Variants in BBS4 observed in about 807,000 individuals in gnomAD.
BBS4 encodes the protein BBSome complex member BBS4.
BBS4 carries 58 observed loss-of-function variants against 71.4 expected under a neutral mutation model. The observed-to-expected ratio is 0.81, with a 90% CI of 0.66 to 1.01. The LOEUF (loss-of-function observed/expected upper bound fraction) is 1.01, where lower values mean the gene tolerates loss of function less well. BBS4 is among the 50% of genes least tolerant of loss of function. The pLI, the probability that BBS4 is intolerant of heterozygous loss-of-function variation, is 0.00. For missense variants in BBS4, 660 were observed against 607.9 expected (o/e 1.09, Z -0.90); for synonymous variants, 228 against 216.8 (o/e 1.05, Z -0.46).
intron 3 of BBS4, among the ~76,000 whole-genome samples, chr15:72,710,220 T>TG (rs2065341800): frequency 8.2e-6 from 1 of 121,236 alleles, no homozygotes; most frequent in African/African-American, 3.2e-5. Flanking sequence ...TTTTTTTTTT[T>TG]GAGATGGAGT....
chr15:72,686,400 T>C, intron 1 of BBS4, 149 bp downstream of exon 1: 1 of 1,534,898 alleles, frequency 6.5e-7, no homozygotes, highest in East Asian at 2.5e-5. Flanking sequence ...CCCTTTTTAC[T>C]GTCCCGGGAA....
chr15:72,719,181 C>T (rs2065519980), intron 6 of BBS4, among the ~76,000 whole-genome samples: 1 of 151,800 alleles, frequency 6.6e-6, no homozygotes, highest in South Asian at 2.1e-4. Context: ...CACAAATGGT[C>T]ACCATACAGG....
At chr15:72,687,034 ATTG>A (rs1338936363) in intron 1 of BBS4, among the ~76,000 whole-genome samples, 2 of 146,136 alleles carry the variant, frequency 1.4e-5, no homozygotes, top group African/African-American at 2.5e-5. Flanking sequence ...GGTTAGTGTT[ATTG>A]TTAGAGGGCC....
chr15:72,692,555 G>A (rs2065005500), intron 1 of BBS4, among the ~76,000 whole-genome samples: 1 of 151,282 alleles, frequency 6.6e-6, no homozygotes, highest in Admixed American at 6.6e-5. Flanking sequence ...TCAAGCAATC[G>A]GCCTGCCTCA....
chr15:72,698,274 A>G (rs1451514042), intron 2 of BBS4, among the ~76,000 whole-genome samples: 1 of 152,166 alleles, frequency 6.6e-6, no homozygotes, highest in Non-Finnish European at 1.5e-5. Flanking sequence ...TTAAGTGTGT[A>G]AGTCAGTGGC....
At position 72,703,980 on chromosome 15, in the gene BBS4, G is replaced by T. The variant is rs528729914; in HGVS notation, c.77-5720G>T. 2.0e-5 allele frequency among the ~76,000 whole-genome samples: 3 copies of T among 152,236 alleles called. No individual in the cohort carries two copies. The South Asian group carries it at 6.2e-4, about 32-fold the overall frequency. On this transcript the variant is annotated intron_variant, in intron 2 of 15. Coordinates refer to ENST00000268057, the MANE Select transcript of BBS4 (RefSeq NM_033028.5). ...GCAAACTACAGGGGAGAATTCTTGA[G>T]GTGTCATGTTTATTCACTTCTGGAA...
chr15:72,724,751 A>G lies in BBS4; in HGVS notation c.587+96A>G, dbSNP rs2065637039. ...CTAAAAGAGTGAATATGTTTGATTAATTACTTACTGTATGAGTTAAAGGTT... is the reference window on the plus strand; with the variant it reads ...CTAAAAGAGTGAATATGTTTGATTAGTTACTTACTGTATGAGTTAAAGGTT... On this transcript the variant is annotated intron_variant, in intron 8 of 15. Coordinates refer to ENST00000268057, the MANE Select transcript of BBS4 (RefSeq NM_033028.5). 4.7e-6 allele frequency: 7 copies of G among 1,489,056 alleles called. No homozygotes were observed. The African/African-American group carries it at 7.0e-5, about 15-fold the overall frequency. The allele number at this position is 1,489,056 out of a possible 1,614,324, so 92.2% of individuals were successfully genotyped here.
chr15:72,710,206 T>C (rs1421012196), intron 3 of BBS4, among the ~76,000 whole-genome samples: 8 of 141,648 alleles, frequency 5.6e-5, no homozygotes, highest in African/African-American at 1.3e-4. Context: ...TTTTTTTTTT[T>C]TTTTTTTTTT....
chr15:72,735,880 A>C lies in BBS4; in HGVS notation c.1162A>C (p.Lys388Gln). ...TGTGCTGCTGTACAACCAGGGCGAG[A>C]AGAAGAACGCCCTGGCCCAATATCA... The part of the protein sequence containing the change: ...YAVLLYNQGE[K>Q]KNALAQYQEM... Residue 388 changes from lysine to glutamine, a missense_variant, in exon 14 of 16, where the codon AAG becomes CAG. Coordinates refer to ENST00000268057, the MANE Select transcript of BBS4 (RefSeq NM_033028.5). The C allele has an allele frequency of 6.2e-7, 1 of 1,613,834 alleles. No homozygotes were observed. Among genetic ancestry groups the C allele is most frequent in the East Asian group, 2.2e-5 (1 of 44,870 alleles).
At chr15:72,700,831 T>C (rs1280054845) in intron 2 of BBS4, among the ~76,000 whole-genome samples, 1 of 152,218 alleles carries the variant, frequency 6.6e-6, no homozygotes, top group African/African-American at 2.4e-5. Flanking sequence ...TTCTCTGTCT[T>C]GTCTAGGAAA....
chr15:72,717,026 G>T, intron 6 of BBS4, 176 bp downstream of exon 6: 1 of 617,978 alleles, frequency 1.6e-6, no homozygotes, highest in East Asian at 2.8e-5. Context: ...TCATAACTTT[G>T]CAGGCATTGC....
At chr15:72,720,251 T>G (rs1003164308) in intron 6 of BBS4, among the ~76,000 whole-genome samples, 1 of 151,750 alleles carries the variant, frequency 6.6e-6, no homozygotes, top group African/African-American at 2.4e-5. Context: ...AAAAGGATGC[T>G]GAGTGGGGAG....
rs398027909 is a variant in BBS4, at chr15:72,692,304, ATTTTTTTTTTTT to A, written c.25-2855_25-2844del. ...TCTTAATGTGATAATTTACATTGCAATTTTTTTTTTTTTTTTTTTTTTTTTTTTTGAGACAGA... is the reference window on the plus strand; with the variant it reads ...TCTTAATGTGATAATTTACATTGCAATTTTTTTTTTTTTTTTTGAGACAGA... On this transcript the variant is annotated intron_variant, in intron 1 of 15. Coordinates refer to ENST00000268057, the MANE Select transcript of BBS4 (RefSeq NM_033028.5). Among the ~76,000 whole-genome samples the A allele has an allele frequency of 2.5e-4, 15 of 59,196 alleles. No individual in the cohort carries two copies. The South Asian group carries it at 7.9e-3, about 31-fold the overall frequency. The allele number at this position is 59,196 out of a possible 152,430, so 38.8% of individuals were successfully genotyped here.
intron 6 of BBS4, among the ~76,000 whole-genome samples, chr15:72,718,037 C>T (rs1328617539): frequency 6.6e-6 from 1 of 152,028 alleles, no homozygotes; most frequent in Non-Finnish European, 1.5e-5. Flanking sequence ...TTGGTAGAGA[C>T]GGGGTTTCAC....
Position 72,731,258 on chromosome 15 carries a change from A to G in BBS4, c.712-47A>G, listed in dbSNP as rs765085419. The G allele has an allele frequency of 5.7e-5, 92 of 1,612,980 alleles. 4 individuals carry two copies. In the Middle Eastern group the frequency reaches 9.0e-3, roughly 157 times the overall value. ...CTCAGGAAAGCTGCCCCACTGCTAC[A>G]GCCTTTTGGGAATGACTGAATGACT... On this transcript the variant is annotated intron_variant, in intron 10 of 15. Transcript: ENST00000268057.
At chr15:72,710,514 T>G (rs1236285210) in intron 3 of BBS4, among the ~76,000 whole-genome samples, 5 of 152,080 alleles carry the variant, frequency 3.3e-5, no homozygotes, top group Admixed American at 2.0e-4. Flanking sequence ...GTTTTATTTT[T>G]TAATTTCTCT....
intron 9 of BBS4, among the ~76,000 whole-genome samples, chr15:72,728,750 C>A (rs1005248062): frequency 6.6e-6 from 1 of 152,138 alleles, no homozygotes; most frequent in African/African-American, 2.4e-5. Flanking sequence ...GAATGGGATT[C>A]TTTTAGCTCC....
Position 72,736,975 on chromosome 15 carries a change from C to G in BBS4, c.1450+12C>G. The G allele has an allele frequency of 5.6e-6, 9 of 1,613,682 alleles. No homozygotes were observed. Among genetic ancestry groups the G allele is most frequent in the Non-Finnish European group, 7.6e-6 (9 of 1,179,804 alleles). On this transcript the variant is annotated intron_variant, in intron 15 of 15. Coordinates refer to ENST00000268057, the MANE Select transcript of BBS4 (RefSeq NM_033028.5). ...GACGCTCCCCTCAGGTAGGACCATA[C>G]AGAGCTCCATGAAGACCTGGCAGGT...
At chr15:72,702,648 T>G (rs2151006528) in intron 2 of BBS4, among the ~76,000 whole-genome samples, 1 of 152,194 alleles carries the variant, frequency 6.6e-6, no homozygotes, top group South Asian at 2.1e-4. Context: ...CATGTATTCT[T>G]GAGTCAATAC....
Sources: allele counts gnomAD v4.1 joint callset (sites outside exome capture counted in the v4.1 genomes callset), GRCh38; gene constraint gnomAD v4.1.1; transcripts MANE v1.5; gene names NCBI Gene and HGNC (gene_info 2026-07-23, HGNC 2026-07-21).